FGD6: variants seen among roughly 807,000 people sequenced by gnomAD.
FGD6 encodes the protein FYVE, RhoGEF and PH domain containing 6, also known as FYVE, RhoGEF and PH domain-containing protein 6.
Under a neutral mutation model 149.4 loss-of-function variants are expected in FGD6, and 90 were observed. The observed-to-expected ratio is 0.60, with a 90% confidence interval of 0.51 to 0.72. The LOEUF (loss-of-function observed/expected upper bound fraction) is 0.72. Among genes scored for constraint, FGD6 ranks in the 30% least tolerant of loss-of-function variants. The pLI is 0.00. For missense variants in FGD6, 1,437 were observed against 1,684.8 expected (o/e 0.85, Z 2.57); for synonymous variants, 527 against 584.0 (o/e 0.90, Z 1.41).
intron 3 of FGD6, among the ~76,000 whole-genome samples, chr12:95,167,653 C>A (rs1490231955): frequency 2.0e-5 from 3 of 149,616 alleles, no homozygotes; most frequent in African/African-American, 7.4e-5. Flanking sequence ...CGGCTCACTG[C>A]AACCTCCGCA....
chr12:95,126,250 T>G (rs1220366719), intron 8 of FGD6: 3 of 1,301,818 alleles, frequency 2.3e-6, no homozygotes, highest in Admixed American at 1.9e-5. Flanking sequence ...ATGACCGCTG[T>G]GGGCAAGAAG....
At chr12:95,133,901 C>T (rs1169189626) in intron 8 of FGD6, among the ~76,000 whole-genome samples, 3 of 152,106 alleles carry the variant, frequency 2.0e-5, no homozygotes, top group Admixed American at 6.6e-5. Context: ...TTTAAAGAGC[C>T]AGTGAATATA....
At chr12:95,172,509 AACTC>A in intron 3 of FGD6, 87 bp downstream of exon 3, 1 of 1,177,620 alleles carries the variant, frequency 8.5e-7, no homozygotes, top group Non-Finnish European at 1.1e-6. Context: ...GTTTTAAGAA[AACTC>A]ACAAGGGTTT....
chr12:95,104,543 T>C (rs886372486), intron 14 of FGD6, among the ~76,000 whole-genome samples: 3 of 151,896 alleles, frequency 2.0e-5, no homozygotes, highest in Non-Finnish European at 4.4e-5. Context: ...TTCAAGCAAT[T>C]CTCCTGCCTC....
At chr12:95,142,260 G>A (rs1210396632) in intron 5 of FGD6, among the ~76,000 whole-genome samples, 1 of 151,538 alleles carries the variant, frequency 6.6e-6, no homozygotes, top group African/African-American at 2.4e-5. Context: ...TCCTGCCTCA[G>A]CCTCCCGAGT....
chr12:95,195,561 A>G (rs150079978), intron 2 of FGD6, among the ~76,000 whole-genome samples: 1,855 of 151,580 alleles, frequency 0.012, 18 homozygotes, highest in Middle Eastern at 0.041. Flanking sequence ...AACCAGGCCA[A>G]CTGTGTCGCT....
intron 2 of FGD6, among the ~76,000 whole-genome samples, chr12:95,206,442 T>C (rs1006549162): frequency 6.6e-6 from 1 of 152,108 alleles, no homozygotes; most frequent in African/African-American, 2.4e-5. Context: ...CCCAGCACTT[T>C]GGGAGGCTGA....
In FGD6 at chr12:95,081,241, G is replaced by A. The variant is rs1165403955; in HGVS notation, c.*279C>T. The A allele has an allele frequency of 3.7e-6, 1 of 270,730 alleles. No homozygotes were observed. The highest frequency in any genetic ancestry group is 5.0e-5 in the Admixed American group (1 of 19,840). 16.8% of individuals were successfully genotyped at this position (270,730 alleles called of 1,614,324 possible). The stretch of plus-strand genomic sequence containing the variant: ...TAATACAGTATACAGTATTAAGATA[G>A]TTTTTCTGGTCTCTAAAGAAATGGT... On this transcript the variant is annotated 3_prime_UTR_variant, in exon 21 of 21. Coordinates refer to ENST00000343958, the MANE Select transcript of FGD6 (RefSeq NM_018351.4).
intron 8 of FGD6, among the ~76,000 whole-genome samples, chr12:95,118,573 C>T (rs1197045203): frequency 6.6e-6 from 1 of 152,154 alleles, no homozygotes; most frequent in Non-Finnish European, 1.5e-5. Context: ...TTTTTGCATT[C>T]AACACCCAGT....
chr12:95,186,218 T>C (rs1479489063), intron 2 of FGD6, among the ~76,000 whole-genome samples: 2 of 46,416 alleles, frequency 4.3e-5, no homozygotes, highest in African/African-American at 1.1e-4. Flanking sequence ...ATGCTTCTTA[T>C]ATTCTTCTTC....
chr12:95,210,819 A>G lies in FGD6; in HGVS notation c.465T>C (p.Thr155=), dbSNP rs751543798. ...SKIDETLTIK[T]RSKCDLYGEK... is the part of the protein sequence containing the mutation. ...CACCATACAAATCACATTTACTCCT[A>G]GTTTTTATAGTCAAAGTCTCATCAA... The change falls in exon 2 of 21, where the codon ACT becomes ACC. Residue 155 remains threonine, a synonymous_variant. Transcript: ENST00000343958. The G allele has an allele frequency of 2.5e-6, 4 of 1,613,402 alleles. No individual in the cohort carries two copies. The Admixed American group carries it at 5.0e-5, about 20-fold the overall frequency.
intron 18 of FGD6, 54 bp downstream of exon 18, chr12:95,089,515 T>G: frequency 6.3e-7 from 1 of 1,582,974 alleles, no homozygotes. Context: ...GTGTATTATA[T>G]GCATATGAAT....
Position 95,209,943 on chromosome 12 carries a change from T to G in FGD6, c.1341A>C (p.Ile447=). ...SLAVDEGTGF[I]RCTVSMSLPK... ...GCAGGCTCATAGATACAGTACATCT[T>G]ATAAAACCGGTCCCTTCGTCCACAG... The change falls in exon 2 of 21, where the codon ATA becomes ATC. Residue 447 remains isoleucine, a synonymous_variant. Transcript: ENST00000343958. The G allele has an allele frequency of 6.2e-7, 1 of 1,612,538 alleles. No homozygotes were observed. The highest frequency in any genetic ancestry group is 8.5e-7 in the Non-Finnish European group (1 of 1,179,520).
In FGD6 at chr12:95,141,447, A is replaced by G; in HGVS notation, c.2778T>C (p.Pro926=). 1.2e-6 allele frequency: 2 copies of G among 1,614,168 alleles called. No homozygotes were observed. The highest frequency in any genetic ancestry group is 1.7e-6 in the Non-Finnish European group (2 of 1,180,036). The part of the protein sequence containing the change: ...RILNQILYYL[P]QLYELNRDLL... Reference sequence around the variant, plus strand: ...GATCCCGGTTGAGCTCATACAGCTGAGGCAAGTAGTATAGGATCTGATTTA... The same window carrying G: ...GATCCCGGTTGAGCTCATACAGCTGGGGCAAGTAGTATAGGATCTGATTTA... Residue 926 remains proline, a synonymous_variant, in exon 6 of 21, where the codon CCT becomes CCC. Coordinates refer to ENST00000343958, the MANE Select transcript of FGD6 (RefSeq NM_018351.4).
At chr12:95,151,427 C>T (rs1205456391) in intron 5 of FGD6, among the ~76,000 whole-genome samples, 1 of 152,080 alleles carries the variant, frequency 6.6e-6, no homozygotes, top group Non-Finnish European at 1.5e-5. Flanking sequence ...TGCCACCACA[C>T]CTGGCTAATT....
At chr12:95,136,874 T>C (rs956450636) in intron 7 of FGD6, among the ~76,000 whole-genome samples, 3 of 152,224 alleles carry the variant, frequency 2.0e-5, no homozygotes, top group Admixed American at 1.3e-4. Flanking sequence ...GGGATCTGGT[T>C]GCACAAGAAT....
In FGD6 at chr12:95,108,415, T is replaced by C. The variant is rs995160999; in HGVS notation, c.3197A>G (p.Asn1066Ser). 6 of 1,613,968 alleles carry C rather than the reference T, an allele frequency of 3.7e-6. No homozygotes were observed. In the African/African-American group the frequency reaches 5.3e-5, roughly 14 times the overall value. ...CTGAATTTGCATAAGTTTCTGAAAG[T>C]TGTCCTACAGAAAGACAATGGAAAG... is the stretch of plus-strand genomic sequence containing the variant. Reference protein sequence around the residue: ...HANDTMKQGDNFQKLMQIQYS... With the variant: ...HANDTMKQGDSFQKLMQIQYS... Residue 1066 changes from asparagine (N) to serine (S), a missense_variant, in exon 11 of 21, where the codon AAC becomes AGC. Physicochemically the swap from Asn to Ser is conservative, Grantham distance 46. This residue lies in a region of FGD6 where 382 missense variants were observed against 538.7 expected (regional missense o/e 0.71). Transcript: ENST00000343958.
intron 5 of FGD6, among the ~76,000 whole-genome samples, chr12:95,150,033 CTTT>C (rs71078614): frequency 2.5e-5 from 3 of 119,444 alleles, no homozygotes; most frequent in South Asian, 5.4e-4. Context: ...CACACACACA[CTTT>C]TTTTTTTTGA....
intron 8 of FGD6, among the ~76,000 whole-genome samples, chr12:95,131,754 G>T (rs1282787693): frequency 6.6e-6 from 1 of 152,026 alleles, no homozygotes; most frequent in African/African-American, 2.4e-5. Flanking sequence ...CACCAGTATC[G>T]AGGGCCTATT....
Sources: allele counts gnomAD v4.1 joint callset (sites outside exome capture counted in the v4.1 genomes callset), GRCh38; gene constraint gnomAD v4.1.1; regional missense constraint gnomAD v4.1.1; transcripts MANE v1.5; gene names NCBI Gene and HGNC (gene_info 2026-07-23, HGNC 2026-07-21).